The following CLRN2 variants were observed in gnomAD, a reference collection of about 807,000 sequenced individuals.
CLRN2 encodes the protein clarin 2.
CLRN2 carries 17 observed loss-of-function variants against 20.1 expected under a neutral mutation model. That is an observed-to-expected ratio of 0.85 (90% CI 0.58 to 1.27). CLRN2 has a LOEUF of 1.27. CLRN2 is among the 50% of genes most tolerant of loss of function. The pLI is 0.00. For synonymous variants in CLRN2, 140 were observed against 126.9 expected, an observed-to-expected ratio of 1.10 and a Z score of -0.70; for missense variants, 288 against 299.5, an observed-to-expected ratio of 0.96 and a Z score of 0.28.
intron 1 of CLRN2, among the ~76,000 whole-genome samples, chr4:17,518,920 C>A (rs1711762910): frequency 6.6e-6 from 1 of 152,138 alleles, no homozygotes; most frequent in African/African-American, 2.4e-5. Flanking sequence ...TTTTATTACG[C>A]CCATTTTACT....
At position 17,527,086 on chromosome 4, in the gene CLRN2, C is replaced by G; in HGVS notation, c.*4C>G. 2 of 1,613,260 alleles carry G rather than the reference C, an allele frequency of 1.2e-6. No individual in the cohort carries two copies. Among genetic ancestry groups the G allele is most frequent in the Non-Finnish European group, 1.7e-6 (2 of 1,179,580 alleles). Reference sequence around the variant, plus strand: ...AGCTGAGGATATCTTGTATTAATAGCCTTCCCCTGTTCACAACCTGTCCTA... The same window carrying G: ...AGCTGAGGATATCTTGTATTAATAGGCTTCCCCTGTTCACAACCTGTCCTA... On this transcript the variant is annotated 3_prime_UTR_variant, in exon 3 of 3. Coordinates refer to ENST00000511148, the MANE Select transcript of CLRN2 (RefSeq NM_001079827.2).
At chr4:17,518,842 G>A (rs1711761275) in intron 1 of CLRN2, among the ~76,000 whole-genome samples, 1 of 152,072 alleles carries the variant, frequency 6.6e-6, no homozygotes, top group Non-Finnish European at 1.5e-5. Context: ...ACTAGGCACA[G>A]AACACAGTAT....
chr4:17,522,364 T>C (rs1405105584), intron 1 of CLRN2, among the ~76,000 whole-genome samples: 9 of 152,262 alleles, frequency 5.9e-5, no homozygotes, highest in Non-Finnish European at 1.2e-4. Flanking sequence ...GCTACTCTAT[T>C]ATGTTATGTC....
chr4:17,521,366 C>T (rs1397708023), intron 1 of CLRN2, among the ~76,000 whole-genome samples: 1 of 152,198 alleles, frequency 6.6e-6, no homozygotes, highest in Non-Finnish European at 1.5e-5. Context: ...TGGGAGACGC[C>T]AACCTTCAGT....
At chr4:17,515,599 G>GA (rs1711643691) in intron 1 of CLRN2, 80 bp downstream of exon 1, 1 of 1,502,326 alleles carries the variant, frequency 6.7e-7, no homozygotes, top group South Asian at 1.3e-5. Flanking sequence ...TCTCATTGTG[G>GA]AATTTGGCTG....
At chr4:17,525,274 T>G (rs1274715751) in intron 2 of CLRN2, among the ~76,000 whole-genome samples, 1 of 152,174 alleles carries the variant, frequency 6.6e-6, no homozygotes, top group East Asian at 1.9e-4. Flanking sequence ...AGAGACTGTT[T>G]AGTCTCTACT....
intron 2 of CLRN2, among the ~76,000 whole-genome samples, chr4:17,523,474 C>G (rs1450651503): frequency 6.6e-6 from 1 of 152,100 alleles, no homozygotes; most frequent in Admixed American, 6.5e-5. Flanking sequence ...CTTAGCCTCC[C>G]AAAGTGCTCA....
chr4:17,518,782 AAAAG>A (rs796593768), intron 1 of CLRN2, among the ~76,000 whole-genome samples: 8 of 152,104 alleles, frequency 5.3e-5, no homozygotes, highest in East Asian at 1.9e-4. Flanking sequence ...AGAGAAAGGA[AAAAG>A]AAAGAAAAAT....
chr4:17,523,043 G>C lies in CLRN2; in HGVS notation c.433G>C (p.Gly145Arg), dbSNP rs771622818. Residue 145 changes from glycine to arginine, a missense_variant and splice_region_variant, in exon 2 of 3, where the codon GGC becomes CGC. Coordinates refer to ENST00000511148, the MANE Select transcript of CLRN2 (RefSeq NM_001079827.2). Reference protein sequence around the residue: ...GGICLWNVLAGGVVALAIASF... With the variant: ...GGICLWNVLARGVVALAIASF... ...CATCTGCCTATGGAATGTCCTGGCA[G>C]GTAAGAAGTCCCTTAGGGAGAGAAA... 6.2e-7 allele frequency: 1 copy of C among 1,610,360 alleles called. No individual in the cohort carries two copies. The highest frequency in any genetic ancestry group is 8.5e-7 in the Non-Finnish European group (1 of 1,178,246).
Position 17,526,905 on chromosome 4 carries a change from G to A in CLRN2, c.522G>A (p.Lys174=). ...AACGAATCGCCAACTTTCAGGAGAA[G>A]CTCTTCCAGTTTGTGGTGGTGGAAG... ...LTERIANFQE[K]LFQFVVVEEQ... Residue 174 remains lysine (K), a synonymous_variant, in exon 3 of 3, where the codon AAG becomes AAA. Transcript: ENST00000511148. The A allele has an allele frequency of 1.2e-6, 2 of 1,614,054 alleles. No homozygotes were observed. The highest frequency in any genetic ancestry group is 1.7e-6 in the Non-Finnish European group (2 of 1,179,890).
intron 1 of CLRN2, among the ~76,000 whole-genome samples, chr4:17,519,996 A>C (rs368217300): frequency 1.4e-4 from 21 of 152,304 alleles, no homozygotes; most frequent in African/African-American, 5.1e-4. Flanking sequence ...GGCATGAGCC[A>C]CTGCCCCAGC....
intron 1 of CLRN2, among the ~76,000 whole-genome samples, chr4:17,520,620 T>C (rs889749515): frequency 6.6e-6 from 1 of 152,248 alleles, no homozygotes; most frequent in African/African-American, 2.4e-5. Context: ...CATTTTGATC[T>C]TTACCATTCA....
intron 2 of CLRN2, among the ~76,000 whole-genome samples, chr4:17,525,832 C>T (rs1156964402): frequency 2.0e-5 from 3 of 152,144 alleles, no homozygotes; most frequent in Non-Finnish European, 4.4e-5. Flanking sequence ...AGGGTTCAAG[C>T]TGGCTTTTAG....
chr4:17,515,808 G>A (rs1201226759), intron 1 of CLRN2, among the ~76,000 whole-genome samples: 7 of 152,124 alleles, frequency 4.6e-5, no homozygotes, highest in Admixed American at 3.3e-4. Context: ...GAGTTTACAC[G>A]TGTCAGACAT....
At chr4:17,517,913 A>T (rs187691655) in intron 1 of CLRN2, among the ~76,000 whole-genome samples, 3 of 152,210 alleles carry the variant, frequency 2.0e-5, no homozygotes, top group African/African-American at 7.2e-5. Context: ...AGGGACACTG[A>T]TAGTGCCAGT....
intron 1 of CLRN2, among the ~76,000 whole-genome samples, chr4:17,518,388 A>G (rs1051362441): frequency 2.0e-5 from 3 of 152,250 alleles, no homozygotes; most frequent in African/African-American, 7.2e-5. Context: ...CACACATTCA[A>G]TTGTACTATG....
chr4:17,520,154 C>T (rs1246727731), intron 1 of CLRN2, among the ~76,000 whole-genome samples: 1 of 152,152 alleles, frequency 6.6e-6, no homozygotes, highest in African/African-American at 2.4e-5. Context: ...ATAGTTAATG[C>T]ACTTCCTACT....
intron 1 of CLRN2, among the ~76,000 whole-genome samples, chr4:17,516,978 A>G (rs1711695815): frequency 6.6e-6 from 1 of 152,204 alleles, no homozygotes; most frequent in African/African-American, 2.4e-5. Flanking sequence ...CGCTATCTCA[A>G]TGGGGTACAG....
In CLRN2 at chr4:17,522,896, G is replaced by T; in HGVS notation, c.286G>T (p.Gly96Cys). The T allele has an allele frequency of 1.4e-5, 23 of 1,614,010 alleles. No homozygotes were observed. The highest frequency in any genetic ancestry group is 1.9e-5 in the Non-Finnish European group (23 of 1,179,890). The change falls in exon 2 of 3, where the codon GGC becomes TGC. Residue 96 changes from glycine to cysteine, a missense_variant. Transcript: ENST00000511148. ...ACACCTGGTGAAGGAGCTCAACGCA[G>T]GCCTTCATGTGATGATTCTGCTGCT... ...FPHLVKELNA[G>C]LHVMILLLLF...
Sources: gnomAD v4.1 joint callset for allele counts (sites outside exome capture counted in the v4.1 genomes callset) on GRCh38, gnomAD v4.1.1 for gene constraint, MANE v1.5 for transcripts, NCBI Gene and HGNC (gene_info 2026-07-23, HGNC 2026-07-21) for gene names.